The following SEMA3E variants were observed in gnomAD, a reference collection of about 807,000 sequenced individuals.
SEMA3E encodes the protein semaphorin 3E.
A neutral mutation model predicts 93.6 loss-of-function variants in SEMA3E; 49 were observed. The observed-to-expected ratio is 0.52, with a 90% confidence interval of 0.42 to 0.66. The LOEUF is 0.66. Ranked by LOEUF, SEMA3E falls within the 30% of genes least tolerant of loss-of-function variation. The pLI, the probability that SEMA3E is intolerant of heterozygous loss-of-function variation, is 0.00. For synonymous variants in SEMA3E, 363 were observed against 330.7 expected, an observed-to-expected ratio of 1.10 and a Z score of -1.06; for missense variants, 906 against 964.8, an observed-to-expected ratio of 0.94 and a Z score of 0.81.
chr7:83,501,733 T>A (rs1423288638), intron 1 of SEMA3E, among the ~76,000 whole-genome samples: 1 of 152,204 alleles, frequency 6.6e-6, no homozygotes, highest in East Asian at 1.9e-4. Context: ...CATATATAAC[T>A]TTTTATGTTT....
intron 1 of SEMA3E, among the ~76,000 whole-genome samples, chr7:83,617,021 A>G (rs1793384767): frequency 1.3e-5 from 2 of 152,090 alleles, no homozygotes; most frequent in South Asian, 4.1e-4. Context: ...CACCGTGCTT[A>G]AATATTCCAA....
intron 1 of SEMA3E, among the ~76,000 whole-genome samples, chr7:83,596,466 C>T (rs556276525): frequency 1.1e-4 from 17 of 152,078 alleles, no homozygotes; most frequent in Non-Finnish European, 2.5e-4. Context: ...TGTATAGTAA[C>T]ACATTCATAC....
intron 1 of SEMA3E, among the ~76,000 whole-genome samples, chr7:83,500,509 T>A (rs1790576117): frequency 6.6e-6 from 1 of 150,966 alleles, no homozygotes; most frequent in Non-Finnish European, 1.5e-5. Flanking sequence ...TTTCTAGGAA[T>A]CCTACCAAAT....
At chr7:83,384,934 C>G (rs1787849176) in intron 16 of SEMA3E, among the ~76,000 whole-genome samples, 1 of 151,876 alleles carries the variant, frequency 6.6e-6, no homozygotes, top group Admixed American at 6.6e-5. Context: ...TGCTATTTCT[C>G]TACAACACTG....
chr7:83,642,826 T>C (rs529432114), intron 1 of SEMA3E, among the ~76,000 whole-genome samples: 7 of 152,104 alleles, frequency 4.6e-5, no homozygotes, highest in South Asian at 2.1e-4. Context: ...ATGGTATAAT[T>C]TTAGTTTAGT....
At chr7:83,396,431 A>T (rs943110315) in intron 12 of SEMA3E, among the ~76,000 whole-genome samples, 18 of 152,140 alleles carry the variant, frequency 1.2e-4, no homozygotes, top group African/African-American at 4.3e-4. Context: ...AATTCTTTCC[A>T]TGCTGGGTAA....
intron 1 of SEMA3E, among the ~76,000 whole-genome samples, chr7:83,627,446 T>A (rs983981193): frequency 6.6e-6 from 1 of 151,816 alleles, no homozygotes; most frequent in Non-Finnish European, 1.5e-5. Context: ...CTCTATTAGA[T>A]GCAGATATAT....
intron 2 of SEMA3E, among the ~76,000 whole-genome samples, chr7:83,484,664 C>T (rs541486172): frequency 6.6e-6 from 1 of 152,292 alleles, no homozygotes; most frequent in African/African-American, 2.4e-5. Flanking sequence ...TCCTCACCAA[C>T]CTCTACTGTC....
intron 1 of SEMA3E, among the ~76,000 whole-genome samples, chr7:83,629,734 G>T (rs2115667283): frequency 6.6e-6 from 1 of 152,258 alleles, no homozygotes; most frequent in South Asian, 2.1e-4. Context: ...CTCTGTGGGG[G>T]TGGGATCCAC....
At chr7:83,389,711 C>T (rs907663792) in intron 14 of SEMA3E, among the ~76,000 whole-genome samples, 1 of 147,788 alleles carries the variant, frequency 6.8e-6, no homozygotes, top group African/African-American at 2.5e-5. Flanking sequence ...CACATATATA[C>T]ACGTATATAT....
intron 1 of SEMA3E, among the ~76,000 whole-genome samples, chr7:83,646,956 T>C (rs1794086346): frequency 6.6e-6 from 1 of 152,016 alleles, no homozygotes; most frequent in Admixed American, 6.6e-5. Flanking sequence ...AAACAATCAA[T>C]TATATTTTTT....
chr7:83,477,466 A>G (rs1397507250), intron 2 of SEMA3E, among the ~76,000 whole-genome samples: 1 of 152,114 alleles, frequency 6.6e-6, no homozygotes, highest in East Asian at 1.9e-4. Flanking sequence ...TATAAATGAT[A>G]ATCTTTAACC....
At chr7:83,580,067 G>A (rs148818659) in intron 1 of SEMA3E, among the ~76,000 whole-genome samples, 150 of 151,868 alleles carry the variant, frequency 9.9e-4, no homozygotes, top group African/African-American at 3.4e-3. Context: ...TTAGAAAAGC[G>A]AACAAAACAA....
intron 1 of SEMA3E, among the ~76,000 whole-genome samples, chr7:83,511,439 G>C (rs987748409): frequency 3.9e-5 from 6 of 152,092 alleles, no homozygotes; most frequent in African/African-American, 1.4e-4. Context: ...CAGTAGATGA[G>C]CTTTTCAGAA....
chr7:83,458,913 A>G (rs1383134151), intron 4 of SEMA3E, among the ~76,000 whole-genome samples: 1 of 143,822 alleles, frequency 7.0e-6, no homozygotes, highest in Non-Finnish European at 1.5e-5. Context: ...TAACAAATAT[A>G]AATATATATG....
intron 4 of SEMA3E, among the ~76,000 whole-genome samples, chr7:83,431,076 C>CA (rs1161175358): frequency 0.014 from 716 of 50,108 alleles, 6 homozygotes; most frequent in African/African-American, 0.047. Flanking sequence ...ACTGCATTGC[C>CA]AAAAAAAAGA....
chr7:83,586,447 T>C (rs2115928833), intron 1 of SEMA3E, among the ~76,000 whole-genome samples: 1 of 152,026 alleles, frequency 6.6e-6, no homozygotes, highest in South Asian at 2.1e-4. Flanking sequence ...TCCAGTAAAA[T>C]GTTCCTTTTT....
chr7:83,401,578 T>C (rs952715605), intron 10 of SEMA3E, among the ~76,000 whole-genome samples: 3 of 152,104 alleles, frequency 2.0e-5, no homozygotes, highest in East Asian at 1.9e-4. Context: ...CCATTTAAAA[T>C]TGTAATTTCA....
chr7:83,379,079 G>T (rs1584203229), intron 16 of SEMA3E, among the ~76,000 whole-genome samples: 1 of 151,810 alleles, frequency 6.6e-6, no homozygotes, highest in Non-Finnish European at 1.5e-5. Context: ...AAAAACAAAT[G>T]AAATAATGTC....
Sources: allele counts gnomAD v4.1 joint callset (sites outside exome capture counted in the v4.1 genomes callset), GRCh38; gene constraint gnomAD v4.1.1; transcripts MANE v1.5; gene names NCBI Gene and HGNC (gene_info 2026-07-23, HGNC 2026-07-21).